The following LRRC36 variants were observed in gnomAD, a reference collection of about 807,000 sequenced individuals.
The protein encoded by LRRC36 is leucine rich repeat containing 36, also known as leucine-rich repeat-containing protein 36.
A neutral mutation model predicts 81.1 loss-of-function variants in LRRC36; 62 were observed. That is an observed-to-expected ratio of 0.76 (90% CI 0.62 to 0.94). The LOEUF (loss-of-function observed/expected upper bound fraction) is 0.94, where lower values mean the gene tolerates loss of function less well. Among genes scored for constraint, LRRC36 ranks in the 40% least tolerant of loss-of-function variants. The pLI, the probability that LRRC36 is intolerant of heterozygous loss-of-function variation, is 0.00. For missense variants in LRRC36, 761 were observed against 881.7 expected (o/e 0.86, Z 1.73); for synonymous variants, 334 against 348.6 (o/e 0.96, Z 0.47).
intron 1 of LRRC36, among the ~76,000 whole-genome samples, chr16:67,338,427 C>T (rs2037865712): frequency 6.6e-6 from 1 of 152,084 alleles, no homozygotes; most frequent in African/African-American, 2.4e-5. Context: ...AGTCTGGCCT[C>T]ATACAGAAAT....
At chr16:67,334,318 C>T (rs990861936) in intron 1 of LRRC36, among the ~76,000 whole-genome samples, 2 of 150,194 alleles carry the variant, frequency 1.3e-5, no homozygotes, top group Admixed American at 6.7e-5. Context: ...CGCGCCTGGC[C>T]GTCCACCATT....
intron 13 of LRRC36, among the ~76,000 whole-genome samples, chr16:67,383,982 A>AT (rs1312346848): frequency 6.6e-6 from 1 of 152,220 alleles, no homozygotes; most frequent in Admixed American, 6.5e-5. Flanking sequence ...TTCTAGCTGC[A>AT]TAGTGCTCAG....
At chr16:67,371,376 T>C in intron 9 of LRRC36, 134 bp downstream of exon 9, 1 of 1,060,770 alleles carries the variant, frequency 9.4e-7, no homozygotes, top group African/African-American at 1.6e-5. Flanking sequence ...GGCTGGTGGC[T>C]AATACTGCCA....
At chr16:67,343,847 C>T (rs574416838) in intron 2 of LRRC36, among the ~76,000 whole-genome samples, 9 of 152,038 alleles carry the variant, frequency 5.9e-5, no homozygotes, top group African/African-American at 1.9e-4. Context: ...GACAGAGTCT[C>T]ACTCTGTCGT....
intron 1 of LRRC36, among the ~76,000 whole-genome samples, chr16:67,334,003 G>A (rs1163442081): frequency 2.0e-5 from 3 of 151,912 alleles, no homozygotes; most frequent in Admixed American, 6.6e-5. Context: ...TGACAATTAT[G>A]TCGTGTCCAC....
rs771644512 is a variant in LRRC36 at position 67,350,238 on chromosome 16, T to C, written c.525T>C (p.Gly175=). The part of the protein sequence containing the change: ...REKTMKNCVT[G]ESSASKVSAN... ...AGACAATGAAAAACTGTGTAACAGG[T>C]GAGAGCTCTGCATCAAAAGTCAGTG... is the stretch of plus-strand genomic sequence containing the variant. Residue 175 remains glycine, a synonymous_variant, in exon 5 of 14, where the codon GGT becomes GGC. Transcript: ENST00000329956. The C allele has an allele frequency of 1.2e-6, 2 of 1,612,462 alleles. No homozygotes were observed. The highest frequency in any genetic ancestry group is 4.5e-5 in the East Asian group (2 of 44,836).
At position 67,384,892 on chromosome 16, in the gene LRRC36, TATCTGCTGCAGCAGCTGAATAAGGAGCC is replaced by T; in HGVS notation, c.2070_2097del (p.Tyr690Ter). 6.2e-7 allele frequency: 1 copy of T among 1,614,158 alleles called. No homozygotes were observed. The highest frequency in any genetic ancestry group is 8.5e-7 in the Non-Finnish European group (1 of 1,179,982). On this transcript the variant is annotated frameshift_variant, in exon 14 of 14. Coordinates refer to ENST00000329956, the MANE Select transcript of LRRC36 (RefSeq NM_018296.6). LOFTEE classifies it high-confidence loss of function. ...CAGATCCCTGGTGGTAACTAATGAG[TATCTGCTGCAGCAGCTGAATAAGGAGCC>T]AAAAGGTTATTCCGGGAAAGCGCTC...
intron 5 of LRRC36, among the ~76,000 whole-genome samples, chr16:67,352,956 G>A (rs2038725884): frequency 6.6e-6 from 1 of 152,060 alleles, no homozygotes; most frequent in Non-Finnish European, 1.5e-5. Context: ...CAAAGTGCTA[G>A]GATTATAGGC....
chr16:67,376,738 G>A lies in LRRC36; in HGVS notation c.1672G>A (p.Asp558Asn). ...LNKKFLGPAR[D>N]LLLSLVVPAP... is the part of the protein sequence containing the mutation. Reference sequence around the variant, plus strand: ...TGAATTTTTGGCAGGTCCTGCCCGAGATTTGCTTCTGTCTTTGGTAGTCCC... The same window carrying A: ...TGAATTTTTGGCAGGTCCTGCCCGAAATTTGCTTCTGTCTTTGGTAGTCCC... Residue 558 changes from aspartate to asparagine, a missense_variant, in exon 11 of 14, where the codon GAT becomes AAT. Physicochemically the swap from Asp to Asn is conservative, Grantham distance 23. Transcript: ENST00000329956. 6.2e-7 allele frequency: 1 copy of A among 1,612,070 alleles called. No individual in the cohort carries two copies. Among genetic ancestry groups the A allele is most frequent in the Non-Finnish European group, 8.5e-7 (1 of 1,178,286 alleles).
At chr16:67,346,955 G>A (rs899049263) in intron 3 of LRRC36, among the ~76,000 whole-genome samples, 2 of 151,858 alleles carry the variant, frequency 1.3e-5, no homozygotes, top group African/African-American at 2.4e-5. Flanking sequence ...GCTCACTGCC[G>A]CCTGGACCTC....
chr16:67,375,386 C>G lies in LRRC36; in HGVS notation c.1634C>G (p.Ser545Cys). ...GATAAGCACTGGAATGGCTCCGGCT[C>G]CCTCCTCCTCAACAAGAAGTTTCTC... is the stretch of plus-strand genomic sequence containing the variant. ...LVDKHWNGSGSLLLNKKFLGP... is the reference protein window; with the variant it reads ...LVDKHWNGSGCLLLNKKFLGP... Residue 545 changes from serine to cysteine, a missense_variant, in exon 10 of 14, where the codon TCC becomes TGC. By Grantham distance (112) the Ser-to-Cys change is moderately radical. Around this residue, in one of 3 missense-constraint regions of LRRC36, gnomAD observed 359 missense variants for 388.4 expected, o/e 0.92. Coordinates refer to ENST00000329956, the MANE Select transcript of LRRC36 (RefSeq NM_018296.6). 6.3e-7 allele frequency: 1 copy of G among 1,586,548 alleles called. No homozygotes were observed. Among genetic ancestry groups the G allele is most frequent in the South Asian group, 1.2e-5 (1 of 86,604 alleles).
At position 67,341,062 on chromosome 16, in the gene LRRC36, C is replaced by A. The variant is rs1377397632; in HGVS notation, c.71-895C>A. Among the ~76,000 whole-genome samples, 217 of 114,960 alleles carry A rather than the reference C, an allele frequency of 1.9e-3. 47 individuals are homozygous for A. The highest frequency in any genetic ancestry group is 7.4e-3 in the African/African-American group (204 of 27,442). The allele number at this position is 114,960 out of a possible 152,430, so 75.4% of individuals were successfully genotyped here. A position where few individuals can be genotyped will look rare whatever the true frequency, so the allele number is the denominator to read the frequency against. On this transcript the variant is annotated intron_variant, in intron 1 of 13. Transcript: ENST00000329956. ...CTATAGAATATGTACTCTACATATT[C>A]TATAGAATATGTACTCTACATATTC...
intron 1 of LRRC36, among the ~76,000 whole-genome samples, chr16:67,328,892 G>C (rs1244250636): frequency 6.6e-6 from 1 of 151,910 alleles, no homozygotes; most frequent in Non-Finnish European, 1.5e-5. Context: ...AAATATTTCA[G>C]TAGTATTTTA....
intron 5 of LRRC36, among the ~76,000 whole-genome samples, chr16:67,360,509 G>A (rs922289019): frequency 6.6e-6 from 1 of 152,178 alleles, no homozygotes; most frequent in African/African-American, 2.4e-5. Flanking sequence ...ATTCTCATTT[G>A]CACAAAAGCT....
At chr16:67,373,261 G>C (rs1396272214) in intron 9 of LRRC36, among the ~76,000 whole-genome samples, 2 of 152,040 alleles carry the variant, frequency 1.3e-5, no homozygotes, top group African/African-American at 4.8e-5. Flanking sequence ...GATCTTAAAA[G>C]CTCCTTTTTT....
At chr16:67,342,558 G>A (rs1196741389) in intron 2 of LRRC36, among the ~76,000 whole-genome samples, 1 of 152,102 alleles carries the variant, frequency 6.6e-6, no homozygotes, top group East Asian at 1.9e-4. Context: ...TGTGGTCTTG[G>A]GAAAATTTAA....
intron 9 of LRRC36, chr16:67,371,449 C>A: frequency 1.7e-6 from 1 of 599,116 alleles, no homozygotes; most frequent in Non-Finnish European, 3.0e-6. Flanking sequence ...GCCATTTTCT[C>A]ACCTATATCA....
chr16:67,371,056 C>A lies in LRRC36; in HGVS notation c.1308C>A (p.Asn436Lys). The A allele has an allele frequency of 6.2e-7, 1 of 1,614,202 alleles. No individual in the cohort carries two copies. Among genetic ancestry groups the A allele is most frequent in the Non-Finnish European group, 8.5e-7 (1 of 1,180,028 alleles). The change falls in exon 9 of 14, where the codon AAC (asparagine) becomes AAA (lysine). Residue 436 changes from asparagine (N) to lysine (K), a missense_variant. Transcript: ENST00000329956. The part of the protein sequence containing the change: ...DLTPAHGSVP[N>K]NAVLGNRTTP... ...CACCAGCACATGGTTCTGTCCCAAACAACGCTGTCCTGGGAAACAGGACAA... is the reference window on the plus strand; with the variant it reads ...CACCAGCACATGGTTCTGTCCCAAAAAACGCTGTCCTGGGAAACAGGACAA...
intron 4 of LRRC36, 106 bp downstream of exon 4, chr16:67,347,697 G>A (rs1433777611): frequency 2.6e-6 from 2 of 762,644 alleles, no homozygotes; most frequent in Non-Finnish European, 4.3e-6. Context: ...CCCACAAATT[G>A]TAAGAATCCT....
Sources: gnomAD v4.1 joint callset for allele counts (sites outside exome capture counted in the v4.1 genomes callset) on GRCh38, gnomAD v4.1.1 for gene constraint, gnomAD v4.1.1 regional missense constraint, MANE v1.5 for transcripts, NCBI Gene and HGNC (gene_info 2026-07-23, HGNC 2026-07-21) for gene names.